TET2: variants seen among roughly 807,000 people sequenced by gnomAD.
TET2 encodes the protein methylcytosine dioxygenase TET2.
TET2 carries 299 observed loss-of-function variants against 142.9 expected under a neutral mutation model. The observed-to-expected ratio is 2.09, with a 90% CI of 1.90 to 2.30. The LOEUF is 2.30. TET2 is among the 30% of genes most tolerant of loss of function. TET2 has a pLI of 0.00. For missense variants in TET2, 2,418 were observed against 2,378.0 expected (o/e 1.02, Z -0.35); for synonymous variants, 819 against 849.0 (o/e 0.96, Z 0.61).
intron 3 of TET2, chr4:105,240,135 A>G (rs1191336281): frequency 1.3e-5 from 3 of 232,770 alleles, no homozygotes; most frequent in Admixed American, 5.8e-5. Context: ...AAATAATAAT[A>G]AACTTTAAAA....
rs78990645 is a variant in TET2, at chr4:105,188,283, A to G, written c.-192-2077A>G. ...AGCCAATCACACAAAGAAAAATATTATGATTCCACTTACATGAGGTACTTA... is the reference window on the plus strand; with the variant it reads ...AGCCAATCACACAAAGAAAAATATTGTGATTCCACTTACATGAGGTACTTA... On this transcript the variant is annotated intron_variant, in intron 1 of 10. Coordinates refer to ENST00000380013, the MANE Select transcript of TET2 (RefSeq NM_001127208.3). 1.6e-4 allele frequency among the ~76,000 whole-genome samples: 25 copies of G among 152,354 alleles called. No individual in the cohort carries two copies. In the East Asian group the frequency reaches 4.8e-3, roughly 29 times the overall value.
At chr4:105,271,753 A>G (rs938199953) in intron 9 of TET2, among the ~76,000 whole-genome samples, 1 of 152,218 alleles carries the variant, frequency 6.6e-6, no homozygotes, top group Admixed American at 6.5e-5. Context: ...GTATTTAAAA[A>G]CCACAAATAA....
intron 8 of TET2, 93 bp downstream of exon 8, chr4:105,261,941 A>G: frequency 1.3e-6 from 1 of 765,372 alleles, no homozygotes; most frequent in Non-Finnish European, 2.1e-6. Flanking sequence ...TGATTTTTAA[A>G]TATTATTCTA....
rs1019583733 is a variant in TET2 at position 105,276,747 on chromosome 4, T to C, written c.*228T>C. On this transcript the variant is annotated 3_prime_UTR_variant, in exon 11 of 11. Transcript: ENST00000380013. ...CATCTAGGAAAAGACCAAAGCATTCTATGCAAAAAGAAGGTGGGGAAGAAA... is the reference window on the plus strand; with the variant it reads ...CATCTAGGAAAAGACCAAAGCATTCCATGCAAAAAGAAGGTGGGGAAGAAA... 4.3e-6 allele frequency: 2 copies of C among 464,166 alleles called. No homozygotes were observed. The highest frequency in any genetic ancestry group is 7.6e-6 in the Non-Finnish European group (2 of 264,894). 28.8% of individuals were successfully genotyped at this position (464,166 alleles called of 1,614,324 possible).
intron 6 of TET2, among the ~76,000 whole-genome samples, chr4:105,257,426 G>GTCTT (rs1198685424): frequency 6.6e-6 from 1 of 152,100 alleles, no homozygotes; most frequent in Non-Finnish European, 1.5e-5. Flanking sequence ...AGCCATCGAA[G>GTCTT]TCTTTGCTTG....
chr4:105,226,647 C>A (rs949686963), intron 2 of TET2, among the ~76,000 whole-genome samples: 1 of 151,536 alleles, frequency 6.6e-6, no homozygotes, highest in Non-Finnish European at 1.5e-5. Flanking sequence ...CCCTCTTCCT[C>A]CCTCTTCCTC....
intron 8 of TET2, among the ~76,000 whole-genome samples, chr4:105,264,868 T>A (rs1328740288): frequency 6.6e-6 from 1 of 152,184 alleles, no homozygotes; most frequent in Non-Finnish European, 1.5e-5. Context: ...GAGTGTCGTA[T>A]CTCTATTTCT....
rs139446660 is a variant in TET2 at position 105,198,848 on chromosome 4, A to G, written c.-47+8343A>G. On this transcript the variant is annotated intron_variant, in intron 2 of 10. Transcript: ENST00000380013. ...TAGTCAGAACTTCAAGTGTCAAAACATGATAGTCTCATTTGCGAAGTTACA... is the reference window on the plus strand; with the variant it reads ...TAGTCAGAACTTCAAGTGTCAAAACGTGATAGTCTCATTTGCGAAGTTACA... Among the ~76,000 whole-genome samples the G allele has an allele frequency of 2.7e-3, 405 of 152,332 alleles. 1 individual carries two copies. Among genetic ancestry groups the G allele is most frequent in the African/African-American group, 9.3e-3 (387 of 41,580 alleles).
At chr4:105,166,610 GA>G (rs138068949) in intron 1 of TET2, among the ~76,000 whole-genome samples, 27 of 143,928 alleles carry the variant, frequency 1.9e-4, no homozygotes, top group African/African-American at 5.9e-4. Context: ...TCTTCTTACA[GA>G]AAAAAAAAGA....
intron 2 of TET2, among the ~76,000 whole-genome samples, chr4:105,231,159 G>A (rs1259573756): frequency 4.6e-5 from 7 of 151,856 alleles, no homozygotes; most frequent in Non-Finnish European, 1.0e-4. Flanking sequence ...TTTTAATTTG[G>A]CTACTAGGCC....
In TET2 at chr4:105,276,406, C is replaced by T. The variant is rs745668941; in HGVS notation, c.5896C>T (p.Arg1966Cys). 9.0e-6 allele frequency: 14 copies of T among 1,551,832 alleles called. No homozygotes were observed. Among genetic ancestry groups the T allele is most frequent in the Middle Eastern group, 1.7e-4 (1 of 6,016 alleles). The change falls in exon 11 of 11, where the codon CGT becomes TGT. Residue 1966 changes from arginine to cysteine, a missense_variant. Coordinates refer to ENST00000380013, the MANE Select transcript of TET2 (RefSeq NM_001127208.3). ...TGAAACTTCAGAGCCCACTTACCTG[C>T]GTTTCATCAAGTCTCTTGCCGAAAG... is the stretch of plus-strand genomic sequence containing the variant. ...PHETSEPTYL[R>C]FIKSLAERTM...
chr4:105,277,617 C>T lies in TET2; in HGVS notation c.*1098C>T, dbSNP rs1731281965. ...TTTTTAACACAGCCAGTTAAATCCA[C>T]CATGGGGCTTACTGGATTCAAGGGA... On this transcript the variant is annotated 3_prime_UTR_variant, in exon 11 of 11. Transcript: ENST00000380013. The T allele has an allele frequency of 4.4e-6, 1 of 229,246 alleles. No homozygotes were observed. Among genetic ancestry groups the T allele is most frequent in the African/African-American group, 2.2e-5 (1 of 45,130 alleles). 14.2% of individuals were successfully genotyped at this position (229,246 alleles called of 1,614,324 possible). A position where few individuals can be genotyped will look rare whatever the true frequency, so the allele number is the denominator to read the frequency against.
At chr4:105,244,985 C>G (rs1026723571) in intron 6 of TET2, among the ~76,000 whole-genome samples, 1 of 152,210 alleles carries the variant, frequency 6.6e-6, no homozygotes, top group Non-Finnish European at 1.5e-5. Flanking sequence ...ATCCACCAAA[C>G]TATAGAATCA....
chr4:105,235,479 A>T lies in TET2; in HGVS notation c.1537A>T (p.Lys513Ter), dbSNP rs775034088. 1.2e-6 allele frequency: 2 copies of T among 1,614,174 alleles called. No individual in the cohort carries two copies. The highest frequency in any genetic ancestry group is 1.7e-6 in the Non-Finnish European group (2 of 1,180,016). The change falls in exon 3 of 11, where the codon AAG becomes TAG. Residue 513 changes from lysine (K) to a stop codon, truncating the protein, a stop_gained. Transcript: ENST00000380013. LOFTEE classifies it high-confidence loss of function. Reference protein sequence around the residue: ...EKTRPMSEHLKHNPPIFGSSG... With the variant: ...EKTRPMSEHL ...AACAAGACCAATGTCAGAACACCTCAAGCATAACCCACCAATTTTTGGTAG... is the reference window on the plus strand; with the variant it reads ...AACAAGACCAATGTCAGAACACCTCTAGCATAACCCACCAATTTTTGGTAG...
intron 1 of TET2, among the ~76,000 whole-genome samples, chr4:105,176,410 A>G (rs898157857): frequency 6.6e-6 from 1 of 152,186 alleles, no homozygotes; most frequent in African/African-American, 2.4e-5. Flanking sequence ...AGAAAAAAGA[A>G]AACTGGAACT....
In TET2 at chr4:105,279,323, G is replaced by T; in HGVS notation, c.*2804G>T. The T allele has an allele frequency of 4.3e-6, 1 of 232,154 alleles. No homozygotes were observed. The highest frequency in any genetic ancestry group is 8.5e-6 in the Non-Finnish European group (1 of 117,420). The allele number at this position is 232,154 out of a possible 1,614,324, so 14.4% of individuals were successfully genotyped here. On this transcript the variant is annotated 3_prime_UTR_variant, in exon 11 of 11. Coordinates refer to ENST00000380013, the MANE Select transcript of TET2 (RefSeq NM_001127208.3). ...GGGAGAGTTTACATAAGGAAGAGAA[G>T]AAATTGAGTGGCATATTGTAAATAT...
chr4:105,198,093 T>C (rs1446159786), intron 2 of TET2, among the ~76,000 whole-genome samples: 1 of 152,102 alleles, frequency 6.6e-6, no homozygotes, highest in Admixed American at 6.5e-5. Context: ...TCCCAGCAAT[T>C]TGGGAGGCCG....
At chr4:105,162,610 A>G (rs1006264813) in intron 1 of TET2, among the ~76,000 whole-genome samples, 4 of 152,228 alleles carry the variant, frequency 2.6e-5, no homozygotes, top group East Asian at 3.8e-4. Context: ...ACTCTCTTTC[A>G]TAACCAAGCT....
At chr4:105,164,246 C>A (rs202244458) in intron 1 of TET2, among the ~76,000 whole-genome samples, 3 of 152,152 alleles carry the variant, frequency 2.0e-5, no homozygotes, top group Non-Finnish European at 4.4e-5. Flanking sequence ...TTTATGAGTT[C>A]GACTTCTTTA....
Sources: gnomAD v4.1 joint callset for allele counts (sites outside exome capture counted in the v4.1 genomes callset) on GRCh38, gnomAD v4.1.1 for gene constraint, MANE v1.5 for transcripts, NCBI Gene and HGNC (gene_info 2026-07-23, HGNC 2026-07-21) for gene names.